Variants in ACSS3 observed in about 807,000 individuals in gnomAD.
The protein encoded by ACSS3 is acyl-CoA synthetase short-chain family member 3, mitochondrial.
A neutral mutation model predicts 84.2 loss-of-function variants in ACSS3; 64 were observed. The ratio of observed to expected loss-of-function variants is 0.76; its 90% confidence interval spans 0.62 to 0.94. ACSS3 has a LOEUF of 0.94. Among genes scored for constraint, ACSS3 ranks in the 40% least tolerant of loss-of-function variants. The probability of loss-of-function intolerance (pLI) is 0.00; values close to 1 mark genes in which losing one functional copy is unlikely to be tolerated. For missense variants in ACSS3, 815 were observed against 867.6 expected (o/e 0.94, Z 0.76); for synonymous variants, 317 against 310.1 (o/e 1.02, Z -0.23).
At chr12:81,119,809 A>G (rs189456367) in intron 2 of ACSS3, among the ~76,000 whole-genome samples, 5 of 152,318 alleles carry the variant, frequency 3.3e-5, no homozygotes. Flanking sequence ...TTTACAATCA[A>G]TTTGTACAGT....
chr12:81,159,532 A>G (rs1200198288), intron 7 of ACSS3, among the ~76,000 whole-genome samples: 1 of 152,236 alleles, frequency 6.6e-6, no homozygotes, highest in Non-Finnish European at 1.5e-5. Flanking sequence ...TTGACCAGTT[A>G]AAATATGGAA....
intron 5 of ACSS3, among the ~76,000 whole-genome samples, chr12:81,148,120 A>G (rs1367183647): frequency 1.3e-5 from 2 of 151,778 alleles, no homozygotes; most frequent in Non-Finnish European, 2.9e-5. Context: ...TTCTACTCTC[A>G]GTATTTTGGG....
chr12:81,194,066 A>C (rs2031706426), intron 8 of ACSS3, among the ~76,000 whole-genome samples: 1 of 151,780 alleles, frequency 6.6e-6, no homozygotes, highest in Admixed American at 6.6e-5. Flanking sequence ...GCTGTTGAAA[A>C]GGTTACTATT....
intron 15 of ACSS3, among the ~76,000 whole-genome samples, chr12:81,254,091 A>AT (rs1593247951): frequency 1.3e-5 from 2 of 151,782 alleles, no homozygotes; most frequent in Non-Finnish European, 2.9e-5. Flanking sequence ...TGCCTGGCTA[A>AT]TTTTTTTCTT....
intron 15 of ACSS3, 58 bp from the exon 16 acceptor site, chr12:81,254,799 A>C: frequency 7.6e-7 from 1 of 1,323,470 alleles, no homozygotes; most frequent in East Asian, 2.3e-5. Flanking sequence ...GTTTAATTAT[A>C]GAAAGAGTAG....
chr12:81,223,193 C>T (rs1921065), intron 11 of ACSS3, among the ~76,000 whole-genome samples: 101,552 of 151,790 alleles, frequency 0.67, 34,409 homozygotes, highest in Non-Finnish European at 0.73. Context: ...CAAACGTTTT[C>T]CTCTGACCAG....
intron 1 of ACSS3, among the ~76,000 whole-genome samples, chr12:81,092,741 G>T (rs1361505258): frequency 6.6e-6 from 1 of 152,134 alleles, no homozygotes. Context: ...TGAGCAGGCT[G>T]CACTGTATTC....
intron 9 of ACSS3, among the ~76,000 whole-genome samples, chr12:81,213,621 TCCC>T (rs2135933287): frequency 2.0e-4 from 2 of 10,118 alleles, no homozygotes; most frequent in African/African-American, 8.9e-4. Context: ...CCTCCCCTCC[TCCC>T]CTCTCCTCAC....
At chr12:81,184,739 T>A (rs12832009) in intron 8 of ACSS3, among the ~76,000 whole-genome samples, 67,278 of 151,434 alleles carry the variant, frequency 0.44, 15,586 homozygotes, top group Middle Eastern at 0.52. Flanking sequence ...ATTTGAGAAG[T>A]AATCAAAACC....
chr12:81,171,005 G>A (rs1283057923), intron 7 of ACSS3, among the ~76,000 whole-genome samples: 2 of 152,094 alleles, frequency 1.3e-5, no homozygotes, highest in Non-Finnish European at 2.9e-5. Flanking sequence ...GTGGTGGTAG[G>A]TACTGAGAAC....
chr12:81,253,619 C>G lies in ACSS3; in HGVS notation c.1944C>G (p.Gly648=). 1 of 1,613,908 alleles carries G rather than the reference C, an allele frequency of 6.2e-7. No individual in the cohort carries two copies. The highest frequency in any genetic ancestry group is 1.7e-4 in the Middle Eastern group (1 of 6,060). The change falls in exon 15 of 16, where the codon GGC becomes GGG. Residue 648 remains glycine (G), a synonymous_variant. Transcript: ENST00000548058. ...FVKQLPKTRS[G]KIPRSALSAI... ...AACAGCTACCCAAAACCAGATCTGG[C>G]AAGATCCCCCGATCAGCTTTATCTG...
chr12:81,083,654 C>T (rs917222314), intron 1 of ACSS3, among the ~76,000 whole-genome samples: 1 of 151,970 alleles, frequency 6.6e-6, no homozygotes, highest in African/African-American at 2.4e-5. Flanking sequence ...GCCACCGTGC[C>T]TGGCCCTTGG....
At chr12:81,204,289 C>G (rs1303518140) in intron 9 of ACSS3, among the ~76,000 whole-genome samples, 1 of 150,684 alleles carries the variant, frequency 6.6e-6, no homozygotes, top group Non-Finnish European at 1.5e-5. Context: ...TCCTCCTCTT[C>G]TTCCTTCCTC....
chr12:81,259,289 T>G lies in ACSS3; in HGVS notation c.*4367T>G, dbSNP rs2034599207. ...GACTCCATGAACCATATATTTTATT[T>G]TTTAAAAAATCATATTTATATCCAT... On this transcript the variant is annotated 3_prime_UTR_variant, in exon 16 of 16. Transcript: ENST00000548058. 1 of 366,738 alleles carries G rather than the reference T, an allele frequency of 2.7e-6. No homozygotes were observed. The highest frequency in any genetic ancestry group is 2.1e-5 in the African/African-American group (1 of 46,742). The allele number at this position is 366,738 out of a possible 1,614,324, so 22.7% of individuals were successfully genotyped here.
chr12:81,096,190 C>T (rs1201052466), intron 1 of ACSS3, among the ~76,000 whole-genome samples: 1 of 152,170 alleles, frequency 6.6e-6, no homozygotes, highest in Non-Finnish European at 1.5e-5. Context: ...TTGCTGAGCA[C>T]TGACTATTTA....
chr12:81,245,916 CT>C (rs1353355823), intron 13 of ACSS3, among the ~76,000 whole-genome samples: 1 of 152,094 alleles, frequency 6.6e-6, no homozygotes, highest in African/African-American at 2.4e-5. Context: ...CAAAACTCTC[CT>C]TTGCTGTTCT....
chr12:81,178,540 A>G (rs1459378084), intron 8 of ACSS3, among the ~76,000 whole-genome samples: 3 of 152,148 alleles, frequency 2.0e-5, no homozygotes, highest in African/African-American at 7.2e-5. Flanking sequence ...ATGCCATCCC[A>G]TTCACATTAG....
Position 81,096,545 on chromosome 12 carries a change from C to A in ACSS3, c.312-13015C>A, listed in dbSNP as rs1315351620. Among the ~76,000 whole-genome samples, 9 of 152,280 alleles carry A rather than the reference C, an allele frequency of 5.9e-5. No homozygotes were observed. The East Asian group carries it at 1.7e-3, about 29-fold the overall frequency. ...AATGCAGGCTTGTTACATAGGTATACATGTGCCATGTGGTTTGCTGCACCG... is the reference window on the plus strand; with the variant it reads ...AATGCAGGCTTGTTACATAGGTATAAATGTGCCATGTGGTTTGCTGCACCG... On this transcript the variant is annotated intron_variant, in intron 1 of 15. Coordinates refer to ENST00000548058, the MANE Select transcript of ACSS3 (RefSeq NM_024560.4).
In ACSS3 at chr12:81,257,102, G is replaced by C. The variant is rs530315996; in HGVS notation, c.*2180G>C. The C allele has an allele frequency of 4.6e-5, 7 of 152,148 alleles. No individual in the cohort carries two copies. In the East Asian group the frequency reaches 1.4e-3, roughly 29 times the overall value. The allele number at this position is 152,148 out of a possible 1,614,324, so 9.4% of individuals were successfully genotyped here. ...TAAGCTCAGGCAGATCCAATAATTAGGTAAAGGTTGCATCTTTGGTCCTCT... is the reference window on the plus strand; with the variant it reads ...TAAGCTCAGGCAGATCCAATAATTACGTAAAGGTTGCATCTTTGGTCCTCT... On this transcript the variant is annotated 3_prime_UTR_variant, in exon 16 of 16. Transcript: ENST00000548058.
Sources: gnomAD v4.1 joint callset for allele counts (sites outside exome capture counted in the v4.1 genomes callset) on GRCh38, gnomAD v4.1.1 for gene constraint, MANE v1.5 for transcripts, NCBI Gene and HGNC (gene_info 2026-07-23, HGNC 2026-07-21) for gene names.